The following CEACAM3 variants were observed in gnomAD, a reference collection of about 807,000 sequenced individuals.
CEACAM3 encodes cell adhesion molecule CEACAM3.
A neutral mutation model predicts 30.1 loss-of-function variants in CEACAM3; 32 were observed. The observed-to-expected ratio is 1.06, with a 90% CI of 0.80 to 1.43. The LOEUF (loss-of-function observed/expected upper bound fraction) is 1.43. Ranked by LOEUF, CEACAM3 falls within the 40% of genes most tolerant of loss-of-function variation. The pLI, the probability that CEACAM3 is intolerant of heterozygous loss-of-function variation, is 0.00. For synonymous variants in CEACAM3, 134 were observed against 127.2 expected (o/e 1.05, Z -0.36); for missense variants, 290 against 316.3 (o/e 0.92, Z 0.63).
intron 6 of CEACAM3, 132 bp downstream of exon 6, chr19:41,811,029 A>T: frequency 8.0e-7 from 1 of 1,255,750 alleles, no homozygotes; most frequent in South Asian, 1.3e-5. Flanking sequence ...CGAGCAGAGG[A>T]GGGAGGGGCT....
At chr19:41,807,515 C>G in intron 2 of CEACAM3, 1 of 1,411,086 alleles carries the variant, frequency 7.1e-7, no homozygotes, top group South Asian at 1.3e-5. Flanking sequence ...ACTTCCTGTC[C>G]CAAGCAAACC....
At chr19:41,797,377 A>G in intron 1 of CEACAM3, 1 of 609,548 alleles carries the variant, frequency 1.6e-6, no homozygotes, top group Non-Finnish European at 2.8e-6. Flanking sequence ...GGAGGGAGCC[A>G]TGCAGACCCC....
intron 2 of CEACAM3, among the ~76,000 whole-genome samples, chr19:41,798,673 A>C (rs1600514473): frequency 6.6e-6 from 1 of 152,208 alleles, no homozygotes; most frequent in South Asian, 2.1e-4. Context: ...AAGAGAGAAG[A>C]TGCTCCCAGC....
chr19:41,810,754 C>T, intron 5 of CEACAM3, 78 bp from the exon 6 acceptor site: 5 of 1,292,848 alleles, frequency 3.9e-6, no homozygotes, highest in Non-Finnish European at 1.1e-6. Context: ...GAAGTAAACA[C>T]AGAGAAGTAA....
chr19:41,807,694 G>T, intron 2 of CEACAM3: 2 of 1,044,060 alleles, frequency 1.9e-6, no homozygotes, highest in South Asian at 3.7e-5. Flanking sequence ...GGCTCACAGG[G>T]ACACTGTGGC....
intron 2 of CEACAM3, among the ~76,000 whole-genome samples, chr19:41,806,077 G>C (rs2073197366): frequency 6.6e-6 from 1 of 152,102 alleles, no homozygotes; most frequent in African/African-American, 2.4e-5. Context: ...ACTCAGGCTG[G>C]AGTGCAGTCG....
At chr19:41,801,419 C>T (rs901817158) in intron 2 of CEACAM3, among the ~76,000 whole-genome samples, 8 of 152,300 alleles carry the variant, frequency 5.3e-5, no homozygotes, top group African/African-American at 1.2e-4. Flanking sequence ...CAGGGACGAG[C>T]GACTCCTCCA....
At position 41,801,297 on chromosome 19, in the gene CEACAM3, A is replaced by G. The variant is rs117244698; in HGVS notation, c.424+3349A>G. Among the ~76,000 whole-genome samples, 89 of 152,338 alleles carry G rather than the reference A, an allele frequency of 5.8e-4. No homozygotes were observed. The East Asian group carries it at 0.015, about 26-fold the overall frequency. ...AATCAGCTGGATCAGAGCCCCTGCC[A>G]GGCTTCATCATGAGCCAGTGTCCCC... On this transcript the variant is annotated intron_variant, in intron 2 of 6. Coordinates refer to ENST00000357396, the MANE Select transcript of CEACAM3 (RefSeq NM_001815.5).
At chr19:41,807,239 C>T (rs1367581452) in intron 2 of CEACAM3, 4 of 1,609,292 alleles carry the variant, frequency 2.5e-6, no homozygotes, top group Non-Finnish European at 2.5e-6. Flanking sequence ...TGGTCAGAGC[C>T]TCCCGGTCAG....
rs1555827659 is a variant in CEACAM3 at position 41,811,378 on chromosome 19, A to T, written c.*141A>T. On this transcript the variant is annotated 3_prime_UTR_variant, in exon 7 of 7. Coordinates refer to ENST00000357396, the MANE Select transcript of CEACAM3 (RefSeq NM_001815.5). ...CACTGGTGTCTGGGGGCAGGGAGGG[A>T]TGGGGGTCCCTGATGAATATCTGGA... 7 of 700,842 alleles carry T rather than the reference A, an allele frequency of 1.0e-5. No individual in the cohort carries two copies. The highest frequency in any genetic ancestry group is 2.7e-5 in the East Asian group (1 of 36,830). 43.4% of individuals were successfully genotyped at this position (700,842 alleles called of 1,614,324 possible). A position where few individuals can be genotyped will look rare whatever the true frequency, so the allele number is the denominator to read the frequency against.
At chr19:41,809,038 G>A in intron 3 of CEACAM3, 108 bp downstream of exon 3, 1 of 772,634 alleles carries the variant, frequency 1.3e-6, no homozygotes, top group East Asian at 2.9e-5. Flanking sequence ...GGCCTCCCAA[G>A]TCCCCAGGGA....
At chr19:41,804,544 T>C (rs1042276215) in intron 2 of CEACAM3, among the ~76,000 whole-genome samples, 1 of 152,172 alleles carries the variant, frequency 6.6e-6, no homozygotes, top group African/African-American at 2.4e-5. Context: ...ATCTCCTAAT[T>C]TGGTATTTTT....
intron 2 of CEACAM3, among the ~76,000 whole-genome samples, chr19:41,805,221 C>T (rs1339348479): frequency 6.6e-6 from 1 of 151,886 alleles, no homozygotes; most frequent in East Asian, 1.9e-4. Context: ...AAACTGCACA[C>T]CCAAGGAACA....
intron 1 of CEACAM3, 117 bp from the exon 2 acceptor site, chr19:41,797,472 G>A: frequency 7.5e-7 from 1 of 1,341,030 alleles, no homozygotes; most frequent in Non-Finnish European, 1.0e-6. Context: ...TGACCAAGTG[G>A]GACACACATA....
intron 2 of CEACAM3, among the ~76,000 whole-genome samples, chr19:41,802,158 G>A (rs2073154920): frequency 6.6e-6 from 1 of 152,112 alleles, no homozygotes; most frequent in Non-Finnish European, 1.5e-5. Flanking sequence ...AGGGGTCAGA[G>A]GCAAGAGGAG....
At chr19:41,801,148 T>C (rs782129620) in intron 2 of CEACAM3, among the ~76,000 whole-genome samples, 5 of 152,164 alleles carry the variant, frequency 3.3e-5, no homozygotes, top group African/African-American at 4.8e-5. Flanking sequence ...GCCCCTGCCC[T>C]GCACAGCTTC....
At chr19:41,803,350 G>C (rs1396846447) in intron 2 of CEACAM3, among the ~76,000 whole-genome samples, 1 of 152,006 alleles carries the variant, frequency 6.6e-6, no homozygotes, top group Admixed American at 6.5e-5. Context: ...CCTGGACACA[G>C]CTGAGGAAAG....
chr19:41,802,182 C>T (rs909293235), intron 2 of CEACAM3, among the ~76,000 whole-genome samples: 3 of 152,108 alleles, frequency 2.0e-5, no homozygotes, highest in African/African-American at 4.8e-5. Flanking sequence ...TCTGCAGTCC[C>T]CAAAGCTCAT....
intron 2 of CEACAM3, among the ~76,000 whole-genome samples, chr19:41,801,732 C>T (rs2073149542): frequency 6.6e-6 from 1 of 152,124 alleles, no homozygotes. Flanking sequence ...GGCCACAAGA[C>T]CACTGAATCA....
Sources: allele counts gnomAD v4.1 joint callset (sites outside exome capture counted in the v4.1 genomes callset), GRCh38; gene constraint gnomAD v4.1.1; transcripts MANE v1.5; gene names NCBI Gene and HGNC (gene_info 2026-07-23, HGNC 2026-07-21).